IMPG1: variants seen among roughly 807,000 people sequenced by gnomAD.
The protein encoded by IMPG1 is interphotoreceptor matrix proteoglycan of 150 kDa.
In IMPG1, 85 loss-of-function variants were observed where a neutral mutation model predicts 92.0. That is an observed-to-expected ratio of 0.92 (90% confidence interval 0.78 to 1.11). The LOEUF (loss-of-function observed/expected upper bound fraction) is 1.11. Among genes scored for constraint, IMPG1 ranks in the 50% least tolerant of loss-of-function variants. The pLI, the probability that IMPG1 is intolerant of heterozygous loss-of-function variation, is 0.00. For synonymous variants in IMPG1, 367 were observed against 334.1 expected, an observed-to-expected ratio of 1.10 and a Z score of -1.08; for missense variants, 1,022 against 956.0, an observed-to-expected ratio of 1.07 and a Z score of -0.91.
intron 1 of IMPG1, among the ~76,000 whole-genome samples, chr6:76,070,086 C>G (rs936497746): frequency 6.6e-6 from 1 of 152,094 alleles, no homozygotes; most frequent in Non-Finnish European, 1.5e-5. Flanking sequence ...CAGCATCATG[C>G]AATATACCTA....
chr6:75,982,541 A>ATATCTATCTATCTATCTATCTATCTATC (rs145538984), intron 12 of IMPG1, among the ~76,000 whole-genome samples: 26 of 146,696 alleles, frequency 1.8e-4, no homozygotes, highest in African/African-American at 6.3e-4. Context: ...AAAAATGTGT[A>ATATCTATCTATCTATCTATCTATCTATC]TATCTATCTA....
At chr6:75,935,444 C>G (rs778431412) in intron 14 of IMPG1, among the ~76,000 whole-genome samples, 1 of 152,228 alleles carries the variant, frequency 6.6e-6, no homozygotes, top group Non-Finnish European at 1.5e-5. Context: ...CACGCCTGAA[C>G]AAAGTGACAG....
At chr6:75,935,277 C>A (rs2149451864) in intron 14 of IMPG1, among the ~76,000 whole-genome samples, 1 of 152,332 alleles carries the variant, frequency 6.6e-6, no homozygotes, top group South Asian at 2.1e-4. Flanking sequence ...GCCATTATTA[C>A]TCCGTGATTA....
At chr6:75,999,568 G>A (rs1292988878) in intron 12 of IMPG1, among the ~76,000 whole-genome samples, 1 of 151,548 alleles carries the variant, frequency 6.6e-6, no homozygotes, top group African/African-American at 2.4e-5. Context: ...CTTTTTTTTT[G>A]TTTGTTTGTT....
intron 12 of IMPG1, 99 bp from the exon 13 acceptor site, chr6:75,951,193 A>C: frequency 8.1e-6 from 7 of 862,790 alleles, no homozygotes; most frequent in Non-Finnish European, 1.3e-5. Flanking sequence ...AAGAAAATAC[A>C]TAGCATTTGC....
intron 12 of IMPG1, among the ~76,000 whole-genome samples, chr6:75,964,291 GT>G (rs1782264051): frequency 6.6e-6 from 1 of 152,168 alleles, no homozygotes; most frequent in Admixed American, 6.6e-5. Context: ...GAATTAGACA[GT>G]GCATAACATT....
At chr6:75,983,454 T>A (rs1782661742) in intron 12 of IMPG1, among the ~76,000 whole-genome samples, 1 of 152,032 alleles carries the variant, frequency 6.6e-6, no homozygotes, top group South Asian at 2.1e-4. Context: ...TTTGACAAGG[T>A]TGCCAAGAAC....
In IMPG1 at chr6:75,931,004, C is replaced by T. The variant is rs764316926; in HGVS notation, c.2192G>A (p.Gly731Asp). The T allele has an allele frequency of 4.3e-6, 7 of 1,614,102 alleles. No homozygotes were observed. In the Admixed American group the frequency reaches 6.7e-5, roughly 15 times the overall value. Reference sequence around the variant, plus strand: ...GACCTCGCATTCCTTTGTGCCAGGGCCACAGAGGCCTGGTTCCAGACCGTC... The same window carrying T: ...GACCTCGCATTCCTTTGTGCCAGGGTCACAGAGGCCTGGTTCCAGACCGTC... ...SLDGLEPGLCGPGTKECEVLQ... is the reference protein window; with the variant it reads ...SLDGLEPGLCDPGTKECEVLQ... Residue 731 changes from glycine (G) to aspartate (D), a missense_variant, in exon 15 of 17, where the codon GGC becomes GAC. Physicochemically the swap from Gly to Asp is moderately conservative, Grantham distance 94. Transcript: ENST00000369950.
intron 15 of IMPG1, 149 bp downstream of exon 15, chr6:75,930,804 T>C (rs1781652855): frequency 4.3e-6 from 3 of 700,684 alleles, no homozygotes. Context: ...CATGTTGTTT[T>C]AACAGGCCCT....
chr6:76,022,266 G>T lies in IMPG1; in HGVS notation c.563-47C>A, dbSNP rs751367531. The T allele has an allele frequency of 9.5e-6, 10 of 1,052,792 alleles. No individual in the cohort carries two copies. In the African/African-American group the frequency reaches 1.6e-4, roughly 17 times the overall value. 65.2% of individuals were successfully genotyped at this position (1,052,792 alleles called of 1,614,324 possible). On this transcript the variant is annotated intron_variant, in intron 5 of 16. Transcript: ENST00000369950. ...AAGACACAAAAATGAGAATGGAGGAGTTTAAATTAGAACGAGGTCAAAATT... is the reference window on the plus strand; with the variant it reads ...AAGACACAAAAATGAGAATGGAGGATTTTAAATTAGAACGAGGTCAAAATT...
At chr6:76,003,142 G>A in intron 11 of IMPG1, 146 bp from the exon 12 acceptor site, 1 of 641,064 alleles carries the variant, frequency 1.6e-6, no homozygotes. Flanking sequence ...GGAAGGTTCT[G>A]ATATAGAAAT....
intron 12 of IMPG1, among the ~76,000 whole-genome samples, chr6:75,958,385 G>A (rs1782163198): frequency 6.6e-6 from 1 of 152,114 alleles, no homozygotes; most frequent in Admixed American, 6.6e-5. Flanking sequence ...TTCTCGAGGA[G>A]TATCTTTGTG....
chr6:76,060,388 G>A (rs1425265207), intron 1 of IMPG1, among the ~76,000 whole-genome samples: 3 of 152,168 alleles, frequency 2.0e-5, no homozygotes, highest in Non-Finnish European at 4.4e-5. Flanking sequence ...AATTACAGCG[G>A]CACATTCTGC....
chr6:76,003,662 T>C (rs1783039842), intron 11 of IMPG1, among the ~76,000 whole-genome samples: 1 of 152,200 alleles, frequency 6.6e-6, no homozygotes, highest in Admixed American at 6.5e-5. Flanking sequence ...AACTTTGAAC[T>C]TTGAGATATT....
chr6:76,034,293 A>G lies in IMPG1; in HGVS notation c.497+22T>C, dbSNP rs761685033. 8.1e-6 allele frequency: 13 copies of G among 1,609,078 alleles called. No homozygotes were observed. In the South Asian group the frequency reaches 1.3e-4, roughly 16 times the overall value. On this transcript the variant is annotated intron_variant, in intron 4 of 16. Transcript: ENST00000369950. ...TTTAAATTCAAAAGCACACACACAC[A>G]CACTCTATTTTGGGTACTTGCCTGT...
intron 6 of IMPG1, 36 bp from the exon 7 acceptor site, chr6:76,018,894 C>T (rs749461575): frequency 4.6e-6 from 7 of 1,535,808 alleles, no homozygotes; most frequent in South Asian, 1.2e-5. Context: ...CTTCTGTTAA[C>T]CTAAACCACA....
intron 13 of IMPG1, among the ~76,000 whole-genome samples, chr6:75,947,856 T>C (rs1781953709): frequency 8.9e-6 from 1 of 112,924 alleles, no homozygotes; most frequent in Admixed American, 8.7e-5. Flanking sequence ...AGTTCAGTTA[T>C]TAAAAAAAAA....
At chr6:75,986,714 A>G (rs1782723582) in intron 12 of IMPG1, among the ~76,000 whole-genome samples, 1 of 152,174 alleles carries the variant, frequency 6.6e-6, no homozygotes, top group South Asian at 2.1e-4. Context: ...CCCAGCCTGC[A>G]TAGGAGAAAG....
At chr6:76,067,920 G>A (rs984653728) in intron 1 of IMPG1, among the ~76,000 whole-genome samples, 2 of 151,936 alleles carry the variant, frequency 1.3e-5, no homozygotes, top group African/African-American at 2.4e-5. Flanking sequence ...AACATAAACA[G>A]GATTAAAAAC....
Sources: gnomAD v4.1 joint callset for allele counts (sites outside exome capture counted in the v4.1 genomes callset) on GRCh38, gnomAD v4.1.1 for gene constraint, MANE v1.5 for transcripts, NCBI Gene and HGNC (gene_info 2026-07-23, HGNC 2026-07-21) for gene names.